Variants in ZNF676 observed in about 807,000 individuals in gnomAD.
ZNF676 encodes zinc finger protein 676.
In ZNF676, 4 loss-of-function variants were observed where a neutral mutation model predicts 6.0. That is an observed-to-expected ratio of 0.67 (90% CI 0.33 to 1.53). The LOEUF (loss-of-function observed/expected upper bound fraction) is 1.53, where lower values mean the gene tolerates loss of function less well. Ranked by LOEUF, ZNF676 falls within the 40% of genes most tolerant of loss-of-function variation. The pLI, the probability that ZNF676 is intolerant of heterozygous loss-of-function variation, is 0.06. For synonymous variants in ZNF676, 198 were observed against 223.1 expected, an observed-to-expected ratio of 0.89 and a Z score of 1.00; for missense variants, 644 against 679.7, an observed-to-expected ratio of 0.95 and a Z score of 0.58.
chr19:22,189,841 A>G (rs2023880894), intron 2 of ZNF676, among the ~76,000 whole-genome samples: 1 of 152,212 alleles, frequency 6.6e-6, no homozygotes, highest in African/African-American at 2.4e-5. Context: ...CACACCAGTT[A>G]GAATGGAGAT....
the ZNF676 span, among the ~76,000 whole-genome samples, chr19:22,253,404 G>GTGTATACATATA: frequency 5.2e-5 from 5 of 97,042 alleles, no homozygotes; most frequent in African/African-American, 1.7e-4. Flanking sequence ...ATGATAATGT[G>GTGTATACATATA]TATATATATA....
the ZNF676 span, among the ~76,000 whole-genome samples, chr19:22,232,228 T>G: frequency 6.6e-6 from 1 of 151,970 alleles, no homozygotes; most frequent in East Asian, 1.9e-4. Flanking sequence ...AGTGCAGTGG[T>G]GTGATCTTGG....
upstream of ZNF676, among the ~76,000 whole-genome samples, chr19:22,200,642 C>A (rs2024016710): frequency 2.6e-5 from 4 of 151,080 alleles, no homozygotes; most frequent in South Asian, 8.4e-4. Flanking sequence ...CCTCAGCCTC[C>A]CAAGTAGCCA....
intron 1 of ZNF676, 33 bp from the exon 2 acceptor site, chr19:22,193,144 G>A: frequency 6.4e-7 from 1 of 1,552,580 alleles, no homozygotes; most frequent in Non-Finnish European, 8.7e-7. Flanking sequence ...CATCCATCTT[G>A]CTCATATTCT....
chr19:22,195,737 A>G (rs1599714619), intron 1 of ZNF676, among the ~76,000 whole-genome samples: 2 of 152,196 alleles, frequency 1.3e-5, no homozygotes, highest in East Asian at 1.9e-4. Context: ...TCACACTCAT[A>G]TATGTGTAAC....
At chr19:22,241,506 A>G in the ZNF676 span, among the ~76,000 whole-genome samples, 2 of 151,908 alleles carry the variant, frequency 1.3e-5, no homozygotes, top group Non-Finnish European at 2.9e-5. Context: ...TGGGAGATTC[A>G]GAGCCTCAAC....
the ZNF676 span, among the ~76,000 whole-genome samples, chr19:22,254,288 G>C: frequency 6.6e-6 from 1 of 152,110 alleles, no homozygotes; most frequent in Admixed American, 6.6e-5. Context: ...CACAGCCTTG[G>C]CAGGAGAGAC....
At chr19:22,218,707 AGAAT>A (rs2024218674), upstream of ZNF676, among the ~76,000 whole-genome samples, 1 of 152,104 alleles carries the variant, frequency 6.6e-6, no homozygotes, top group South Asian at 2.1e-4. Context: ...TCTATTCAAT[AGAAT>A]AGGGTGTTAT....
chr19:22,240,005 G>T, the ZNF676 span, among the ~76,000 whole-genome samples: 1 of 152,212 alleles, frequency 6.6e-6, no homozygotes, highest in Non-Finnish European at 1.5e-5. Flanking sequence ...GAAAAGAGGA[G>T]AGTCACATAA....
At chr19:22,252,320 A>T in the ZNF676 span, among the ~76,000 whole-genome samples, 5 of 150,620 alleles carry the variant, frequency 3.3e-5, no homozygotes, top group African/African-American at 1.2e-4. Context: ...GCTTGAACCC[A>T]GGAGGCGGAA....
the ZNF676 span, among the ~76,000 whole-genome samples, chr19:22,257,530 C>T: frequency 2.6e-5 from 4 of 152,260 alleles, no homozygotes; most frequent in South Asian, 4.1e-4. Context: ...AGGTGACTAA[C>T]GACATGATAG....
rs553568191 is a variant in ZNF676 at position 22,212,124 on chromosome 19, T to C, written c.3+3508A>G. ...CTGAAGCAGGAGAATGGTGTGAACC[T>C]GGGAGGCGAAGCTTGCAGCGAGCCG... is the stretch of plus-strand genomic sequence containing the variant. On this transcript the variant is annotated intron_variant, in intron 1 of 3. Transcript: ENST00000650058. Among the ~76,000 whole-genome samples the C allele has an allele frequency of 1.6e-3, 229 of 145,822 alleles. 1 individual carries two copies. Among genetic ancestry groups the C allele is most frequent in the African/African-American group, 5.4e-3 (212 of 39,084 alleles).
chr19:22,208,581 T>C (rs1303443659), intron 1 of ZNF676, among the ~76,000 whole-genome samples: 1 of 152,216 alleles, frequency 6.6e-6, no homozygotes, highest in Admixed American at 6.5e-5. Flanking sequence ...ATCACATTCG[T>C]TGCAGTACTA....
Position 22,193,059 on chromosome 19 carries a change from C to A in ZNF676, c.87G>T (p.Glu29Asp). 6.2e-7 allele frequency: 1 copy of A among 1,610,720 alleles called. No homozygotes were observed. The highest frequency in any genetic ancestry group is 8.5e-7 in the Non-Finnish European group (1 of 1,178,712). ...DLIIFLEQGK[E>D]PWNMKRHEMV... ...TCTCATGTCTCTTCATATTCCAGGG[C>A]TCTTTTCCTTGCTCCAGAAAAATGA... The change falls in exon 2 of 3, where the codon GAG becomes GAT. Residue 29 changes from glutamate to aspartate, a missense_variant. Around this residue, in one of 5 missense-constraint regions of ZNF676, gnomAD observed 280 missense variants for 269.3 expected, o/e 1.04. Coordinates refer to ENST00000397121, the MANE Select transcript of ZNF676 (RefSeq NM_001001411.3).
At chr19:22,204,016 T>C (rs1377699764) in intron 1 of ZNF676, 4 of 152,316 alleles carry the variant, frequency 2.6e-5, no homozygotes, top group East Asian at 3.9e-4. Flanking sequence ...TTATAAAAAA[T>C]TGAAATCTGA....
upstream of ZNF676, among the ~76,000 whole-genome samples, chr19:22,218,306 G>T (rs1239390540): frequency 6.6e-6 from 1 of 151,780 alleles, no homozygotes; most frequent in Non-Finnish European, 1.5e-5. Flanking sequence ...GTTGATTTTT[G>T]TATAAGGTGA....
At chr19:22,238,655 C>T in the ZNF676 span, among the ~76,000 whole-genome samples, 18,237 of 151,988 alleles carry the variant, frequency 0.12, 3,477 homozygotes, top group African/African-American at 0.41. Flanking sequence ...TAATGGTGTG[C>T]GTATATATAC....
intron 1 of ZNF676, among the ~76,000 whole-genome samples, chr19:22,214,835 C>G (rs900752836): frequency 3.3e-5 from 5 of 151,208 alleles, no homozygotes; most frequent in African/African-American, 1.2e-4. Flanking sequence ...GTCAGGAGAT[C>G]GAGACTACCC....
intron 2 of ZNF676, among the ~76,000 whole-genome samples, chr19:22,183,807 TAAGTC>T (rs2023794457): frequency 6.6e-6 from 1 of 152,154 alleles, no homozygotes; most frequent in Non-Finnish European, 1.5e-5. Flanking sequence ...AGCTAAATCT[TAAGTC>T]AAAGACTCAT....
Sources: gnomAD v4.1 joint callset for allele counts (sites outside exome capture counted in the v4.1 genomes callset) on GRCh38, gnomAD v4.1.1 for gene constraint, gnomAD v4.1.1 regional missense constraint, MANE v1.5 for transcripts, NCBI Gene and HGNC (gene_info 2026-07-23, HGNC 2026-07-21) for gene names.